Variants in NBPF8 observed in about 807,000 individuals in gnomAD.
NBPF8 encodes the protein NBPF member 8, also known as NBPF family member NBPF8.
chr1:120,431,561 C>G (rs1212899127), upstream of NBPF8, among the ~76,000 whole-genome samples: 1 of 151,378 alleles, frequency 6.6e-6, no homozygotes, highest in South Asian at 2.1e-4. Context: ...TCAGGGAGAT[C>G]AATCAGTGCA....
At chr1:120,424,189 C>T (rs1269610059) in intron 1 of NBPF8, among the ~76,000 whole-genome samples, 9 of 151,740 alleles carry the variant, frequency 5.9e-5, no homozygotes, top group Admixed American at 5.9e-4. Flanking sequence ...GTGTTTGGGA[C>T]TTTATATAGT....
intron 3 of NBPF8, among the ~76,000 whole-genome samples, 146 bp downstream of exon 3, chr1:120,427,993 G>C (rs1280679303): frequency 1.3e-5 from 2 of 152,172 alleles, no homozygotes; most frequent in African/African-American, 4.8e-5. Flanking sequence ...GATGTCCCTT[G>C]TTCAACAATT....
chr1:120,450,316 G>T (rs1204744768), intron 11 of NBPF8, among the ~76,000 whole-genome samples: 62,082 of 151,000 alleles, frequency 0.41, 13,480 homozygotes, highest in African/African-American at 0.48. Context: ...GGGGCACAGA[G>T]TCTTGTTGCT....
At chr1:120,421,643 C>A (rs1302725337) in intron 1 of NBPF8, among the ~76,000 whole-genome samples, 2 of 148,872 alleles carry the variant, frequency 1.3e-5, no homozygotes, top group African/African-American at 5.0e-5. Flanking sequence ...TTTAAATAGA[C>A]CACACTGCAC....
rs1660760444 is a variant in NBPF8 at position 120,427,687 on chromosome 1, ATT to A, written n.369-17_369-16del. Among the ~76,000 whole-genome samples, 1 of 110,676 alleles carries A rather than the reference ATT, an allele frequency of 9.0e-6. No homozygotes were observed. Among genetic ancestry groups the A allele is most frequent in the Non-Finnish European group, 1.8e-5 (1 of 54,372 alleles). The allele number at this position is 110,676 out of a possible 152,430, so 72.6% of individuals were successfully genotyped here. ...TTTCCTCTGGGGAGGTAAATAAATG[ATT>A]TGTTTCTTCTTGGTAGCCCTTGAAG... On this transcript the variant is annotated splice_polypyrimidine_tract_variant and intron_variant and non_coding_transcript_variant, in intron 2 of 28. Transcript: ENST00000652355.
chr1:120,432,187 C>A (rs1349742413), upstream of NBPF8: 1 of 141,762 alleles, frequency 7.1e-6, no homozygotes, highest in Non-Finnish European at 1.5e-5. Context: ...CTTCAGATCT[C>A]CAATAAACTT....
chr1:120,464,693 C>T, intron 23 of NBPF8, 145 bp downstream of exon 21: 1 of 586,052 alleles, frequency 1.7e-6, no homozygotes, highest in Non-Finnish European at 3.0e-6. Context: ...GAATGAAACT[C>T]TAGTTCTACC....
At chr1:120,421,176 G>C (rs1660564098) in intron 1 of NBPF8, among the ~76,000 whole-genome samples, 1 of 152,150 alleles carries the variant, frequency 6.6e-6, no homozygotes, top group Non-Finnish European at 1.5e-5. Flanking sequence ...CAGTGGGCCA[G>C]AGGAATAATG....
exon 3 of NBPF8, among the ~76,000 whole-genome samples, chr1:120,427,813 G>T (rs1310291439): frequency 1.4e-5 from 2 of 142,818 alleles, no homozygotes; most frequent in Non-Finnish European, 3.0e-5. Flanking sequence ...AGAAGCAGCC[G>T]CCAGTTGGGA....
chr1:120,424,217 T>C (rs1280030341), intron 1 of NBPF8, among the ~76,000 whole-genome samples: 1 of 151,774 alleles, frequency 6.6e-6, no homozygotes, highest in Non-Finnish European at 1.5e-5. Context: ...TGTGTTCGTT[T>C]TGTGACAAGT....
intron 1 of NBPF8, among the ~76,000 whole-genome samples, chr1:120,421,510 T>C (rs1407553500): frequency 8.0e-4 from 117 of 146,166 alleles, no homozygotes; most frequent in Non-Finnish European, 1.3e-3. Context: ...CTCCCTCCCT[T>C]CCTTCCTTCC....
At chr1:120,466,165 T>C (rs1661742949) in exon 25 of NBPF8, 6 of 1,609,840 alleles carry the variant, frequency 3.7e-6, no homozygotes. Flanking sequence ...GTTCTTTACT[T>C]TGACGGTGAC....
chr1:120,416,714 G>A (rs1434685019), upstream of NBPF8, among the ~76,000 whole-genome samples: 2 of 151,100 alleles, frequency 1.3e-5, no homozygotes, highest in Non-Finnish European at 2.9e-5. Context: ...TTGTAGGAGT[G>A]ACATTGTTGG....
upstream of NBPF8, among the ~76,000 whole-genome samples, chr1:120,431,656 C>T (rs1343909499): frequency 2.0e-5 from 3 of 150,190 alleles, no homozygotes; most frequent in Non-Finnish European, 4.4e-5. Flanking sequence ...ATATAAAGCA[C>T]TTGGAAGTCT....
chr1:120,464,247 G>A, intron 22 of NBPF8, 129 bp from the exon 21 acceptor site: 1 of 603,178 alleles, frequency 1.7e-6, no homozygotes, highest in Non-Finnish European at 2.9e-6. Context: ...GCAATAATTT[G>A]TTACCTCATT....
chr1:120,464,175 G>GTGTCTGTCTGTC (rs1312686101), intron 22 of NBPF8, among the ~76,000 whole-genome samples: 10 of 85,790 alleles, frequency 1.2e-4, no homozygotes, highest in African/African-American at 3.5e-4. Context: ...GTGTGTGTGT[G>GTGTCTGTCTGTC]TGTCTGTCTG....
chr1:120,464,282 T>A lies in NBPF8; in HGVS notation n.3287-94T>A, dbSNP rs1271364475. ...TAATGGATCTATCCTTTTACTTTTT[T>A]AACCACTTCCTTATGCTACCCATGA... is the stretch of plus-strand genomic sequence containing the variant. On this transcript the variant is annotated intron_variant and non_coding_transcript_variant, in intron 22 of 24. Coordinates refer to ENST00000583271, the Ensembl canonical transcript of NBPF8. The A allele has an allele frequency of 2.3e-5, 16 of 686,880 alleles. No homozygotes were observed. The African/African-American group carries it at 3.3e-4, about 14-fold the overall frequency. The allele number at this position is 686,880 out of a possible 1,614,324, so 42.5% of individuals were successfully genotyped here. A position where few individuals can be genotyped will look rare whatever the true frequency, so the allele number is the denominator to read the frequency against.
chr1:120,415,335 G>C (rs1660400251), upstream of NBPF8, among the ~76,000 whole-genome samples: 1 of 152,014 alleles, frequency 6.6e-6, no homozygotes, highest in Admixed American at 6.6e-5. Flanking sequence ...TACACAGCTG[G>C]GTCGAGCTGC....
At chr1:120,434,432 TG>T (rs1410994802), upstream of NBPF8, among the ~76,000 whole-genome samples, 3 of 146,088 alleles carry the variant, frequency 2.1e-5, no homozygotes, top group Admixed American at 2.1e-4. Context: ...TATATATACG[TG>T]TGCCATGTTG....
Sources: gnomAD v4.1 joint callset for allele counts (sites outside exome capture counted in the v4.1 genomes callset) on GRCh38, gnomAD v4.1.1 for gene constraint, MANE v1.5 for transcripts, NCBI Gene and HGNC (gene_info 2026-07-23, HGNC 2026-07-21) for gene names.